GNA12: variants seen among roughly 807,000 people sequenced by gnomAD.
GNA12 encodes the protein G protein subunit alpha 12.
In GNA12, 9 loss-of-function variants were observed where a neutral mutation model predicts 26.0. That is an observed-to-expected ratio of 0.35 (90% confidence interval 0.21 to 0.60). GNA12 has a LOEUF of 0.60. Ranked by LOEUF, GNA12 falls within the 20% of genes least tolerant of loss-of-function variation. The pLI is 0.78. For missense variants in GNA12, 405 were observed against 525.8 expected (o/e 0.77, Z 2.25); for synonymous variants, 264 against 219.6 (o/e 1.20, Z -1.79).
At chr7:2,837,775 A>G (rs1413891748) in intron 1 of GNA12, among the ~76,000 whole-genome samples, 1 of 152,180 alleles carries the variant, frequency 6.6e-6, no homozygotes, top group Non-Finnish European at 1.5e-5. Flanking sequence ...AGTTCTCTAA[A>G]CAGAAAGGAA....
At chr7:2,754,717 C>G (rs1042310676) in intron 2 of GNA12, among the ~76,000 whole-genome samples, 1 of 152,176 alleles carries the variant, frequency 6.6e-6, no homozygotes. Context: ...CCACTACACT[C>G]CAGTCCGAGC....
chr7:2,736,694 T>C (rs566894417), intron 2 of GNA12, among the ~76,000 whole-genome samples: 1 of 152,228 alleles, frequency 6.6e-6, no homozygotes, highest in South Asian at 2.1e-4. Flanking sequence ...CCTTCAGCAG[T>C]TTCTGGAAGC....
chr7:2,830,126 G>A (rs1583314624), intron 1 of GNA12, among the ~76,000 whole-genome samples: 1 of 152,284 alleles, frequency 6.6e-6, no homozygotes, highest in Non-Finnish European at 1.5e-5. Context: ...CTCTGGGTCT[G>A]TTTCTTTCTA....
In GNA12 at chr7:2,735,933, A is replaced by G. The variant is rs1046482036; in HGVS notation, c.526-2432T>C. Among the ~76,000 whole-genome samples, 3 of 152,180 alleles carry G rather than the reference A, an allele frequency of 2.0e-5. No homozygotes were observed. In the East Asian group the frequency reaches 5.8e-4, roughly 29 times the overall value. On this transcript the variant is annotated intron_variant, in intron 2 of 3. Transcript: ENST00000275364. ...GACACAGAGCAACCCTGTGTGATCC[A>G]GAACGCTGTCACTCACATCCGCACT...
At chr7:2,767,154 A>G (rs1353425004) in intron 2 of GNA12, among the ~76,000 whole-genome samples, 4 of 152,222 alleles carry the variant, frequency 2.6e-5, no homozygotes, top group Non-Finnish European at 4.4e-5. Context: ...TTTCACATAT[A>G]TGATTTGCAA....
At chr7:2,833,316 A>T (rs1251766660) in intron 1 of GNA12, among the ~76,000 whole-genome samples, 4 of 152,358 alleles carry the variant, frequency 2.6e-5, no homozygotes, top group African/African-American at 4.8e-5. Context: ...TCTCTAGATA[A>T]GGCCGAAGTT....
At chr7:2,762,868 G>A in intron 2 of GNA12, 2 of 1,450,768 alleles carry the variant, frequency 1.4e-6, no homozygotes, top group Non-Finnish European at 1.8e-6. Flanking sequence ...GGCCAGCTCC[G>A]AGCCCTGCTC....
intron 2 of GNA12, among the ~76,000 whole-genome samples, chr7:2,735,544 C>T (rs2266920): frequency 0.13 from 19,474 of 152,158 alleles, 1,418 homozygotes; most frequent in Middle Eastern, 0.18. Context: ...AAGCAGAAAA[C>T]AGGAGGGACG....
At chr7:2,815,176 G>C (rs1043976285) in intron 1 of GNA12, 1 of 516,970 alleles carries the variant, frequency 1.9e-6, no homozygotes, top group Non-Finnish European at 3.4e-6. Flanking sequence ...GAACATCGGC[G>C]AGGTGCCTGC....
intron 2 of GNA12, among the ~76,000 whole-genome samples, chr7:2,734,269 G>A (rs915116740): frequency 3.3e-5 from 5 of 152,318 alleles, no homozygotes; most frequent in East Asian, 1.9e-4. Context: ...AGAGCAGCCC[G>A]CATATGAACA....
intron 1 of GNA12, among the ~76,000 whole-genome samples, chr7:2,839,913 C>T (rs1003586859): frequency 9.9e-5 from 15 of 152,222 alleles, no homozygotes; most frequent in African/African-American, 3.6e-4. Context: ...ACAGGAGAAT[C>T]GCTTGAACCC....
intron 1 of GNA12, among the ~76,000 whole-genome samples, chr7:2,841,470 C>G (rs189475056): frequency 4.3e-4 from 66 of 152,272 alleles, no homozygotes; most frequent in African/African-American, 1.5e-3. Flanking sequence ...AGGGCAGGCC[C>G]TGAGACAGCC....
At chr7:2,829,405 TG>T (rs963261139) in intron 1 of GNA12, among the ~76,000 whole-genome samples, 7 of 152,216 alleles carry the variant, frequency 4.6e-5, no homozygotes, top group African/African-American at 1.7e-4. Context: ...TCTACAGCCA[TG>T]GGGACGCTGA....
chr7:2,835,599 C>A, intron 1 of GNA12: 1 of 642,990 alleles, frequency 1.6e-6, no homozygotes, highest in Non-Finnish European at 2.8e-6. Flanking sequence ...CCCATTGTCT[C>A]ATGCTGTTCT....
intron 2 of GNA12, among the ~76,000 whole-genome samples, chr7:2,757,438 C>A (rs1384153378): frequency 6.6e-6 from 1 of 152,058 alleles, no homozygotes; most frequent in Non-Finnish European, 1.5e-5. Context: ...GTGAGGGCAC[C>A]CCTAGGAGCT....
chr7:2,843,194 C>CGGTTG (rs907323277), intron 1 of GNA12, among the ~76,000 whole-genome samples: 5 of 152,286 alleles, frequency 3.3e-5, no homozygotes, highest in African/African-American at 1.2e-4. Context: ...AGGGCACGGC[C>CGGTTG]GGTTGGGCTC....
chr7:2,744,353 T>A (rs1008520961), intron 2 of GNA12, among the ~76,000 whole-genome samples: 3 of 152,320 alleles, frequency 2.0e-5, no homozygotes, highest in East Asian at 3.9e-4. Flanking sequence ...GCAGCATTTG[T>A]GGGTCACCAA....
chr7:2,754,036 C>G (rs547421974), intron 2 of GNA12, among the ~76,000 whole-genome samples: 1 of 152,240 alleles, frequency 6.6e-6, no homozygotes, highest in African/African-American at 2.4e-5. Context: ...TTCAGCGTTA[C>G]TCTCTGCCAA....
chr7:2,803,843 T>C (rs1293680555), intron 1 of GNA12, among the ~76,000 whole-genome samples: 1 of 150,066 alleles, frequency 6.7e-6, no homozygotes, highest in Non-Finnish European at 1.5e-5. Flanking sequence ...TCCAAACCAA[T>C]CCAGATTTCC....
Sources: gnomAD v4.1 joint callset for allele counts (sites outside exome capture counted in the v4.1 genomes callset) on GRCh38, gnomAD v4.1.1 for gene constraint, MANE v1.5 for transcripts, NCBI Gene and HGNC (gene_info 2026-07-23, HGNC 2026-07-21) for gene names.